Variants in ACSM3 observed in about 807,000 individuals in gnomAD.
The protein encoded by ACSM3 is acyl-coenzyme A synthetase ACSM3, mitochondrial.
Under a neutral mutation model 74.1 loss-of-function variants are expected in ACSM3, and 61 were observed. The ratio of observed to expected loss-of-function variants is 0.82; its 90% CI spans 0.67 to 1.02. ACSM3 has a LOEUF of 1.02. Ranked by LOEUF, ACSM3 falls within the 50% of genes least tolerant of loss-of-function variation. The probability of loss-of-function intolerance (pLI) is 0.00; values close to 1 mark genes in which losing one functional copy is unlikely to be tolerated. For missense variants in ACSM3, 660 were observed against 697.0 expected (o/e 0.95, Z 0.60); for synonymous variants, 213 against 241.5 (o/e 0.88, Z 1.09).
upstream of ACSM3, among the ~76,000 whole-genome samples, chr16:20,759,365 GGCT>G (rs1208432128): frequency 1.3e-5 from 2 of 152,030 alleles, no homozygotes; most frequent in African/African-American, 4.8e-5. Context: ...AGACCATCTT[GGCT>G]AACACACGGT....
At chr16:20,693,156 C>G (rs1339496027) in intron 1 of ACSM3, among the ~76,000 whole-genome samples, 1 of 138,840 alleles carries the variant, frequency 7.2e-6, no homozygotes, top group East Asian at 2.1e-4. Context: ...GGCAACAGAG[C>G]AAAATTCCGT....
intron 4 of ACSM3, 49 bp downstream of exon 4, chr16:20,777,629 C>A: frequency 6.7e-7 from 1 of 1,501,356 alleles, no homozygotes; most frequent in Non-Finnish European, 9.2e-7. Flanking sequence ...GGAAAGGCAA[C>A]AATAAAAAGA....
At chr16:20,685,398 G>T (rs2079529089) in intron 1 of ACSM3, 2 of 1,614,060 alleles carry the variant, frequency 1.2e-6, no homozygotes, top group South Asian at 1.1e-5. Context: ...GACCTCTCTT[G>T]CCCTCCTGGT....
chr16:20,746,643 C>T (rs1452174942), intron 1 of ACSM3, among the ~76,000 whole-genome samples: 1 of 152,192 alleles, frequency 6.6e-6, no homozygotes, highest in Non-Finnish European at 1.5e-5. Context: ...TTCATTACAC[C>T]CAGACGCTGT....
intron 1 of ACSM3, among the ~76,000 whole-genome samples, chr16:20,704,297 G>A (rs1049089213): frequency 7.9e-5 from 12 of 152,088 alleles, no homozygotes; most frequent in Non-Finnish European, 1.3e-4. Flanking sequence ...TTATTACTAC[G>A]TTTTTACTAA....
At chr16:20,736,136 C>T (rs2079866960) in intron 1 of ACSM3, 1 of 152,176 alleles carries the variant, frequency 6.6e-6, no homozygotes, top group Non-Finnish European at 1.5e-5. Flanking sequence ...CACAATGGGA[C>T]AGGAGAGCTT....
intron 1 of ACSM3, chr16:20,711,763 A>G: frequency 7.9e-6 from 3 of 377,938 alleles, no homozygotes; most frequent in Non-Finnish European, 1.5e-5. Flanking sequence ...GCCTCCAAGG[A>G]CTCAGGAACA....
At chr16:20,791,468 A>G (rs2080595419) in intron 10 of ACSM3, among the ~76,000 whole-genome samples, 1 of 152,258 alleles carries the variant, frequency 6.6e-6, no homozygotes, top group African/African-American at 2.4e-5. Flanking sequence ...TATCTAAGAA[A>G]AATCTCAAGA....
At chr16:20,710,607 T>G (rs1170873350) in intron 1 of ACSM3, among the ~76,000 whole-genome samples, 2 of 152,130 alleles carry the variant, frequency 1.3e-5, no homozygotes, top group Non-Finnish European at 2.9e-5. Context: ...GGCCTCCCTA[T>G]GCACTGGGAT....
At chr16:20,786,241 C>T (rs766699010) in intron 9 of ACSM3, 83 bp downstream of exon 9, 1 of 1,511,938 alleles carries the variant, frequency 6.6e-7, no homozygotes, top group South Asian at 1.3e-5. Flanking sequence ...TATAAACTTT[C>T]TTTGTTATGA....
intron 1 of ACSM3, among the ~76,000 whole-genome samples, chr16:20,696,151 G>A (rs74011825): frequency 6.6e-6 from 1 of 152,140 alleles, no homozygotes; most frequent in Non-Finnish European, 1.5e-5. Context: ...AGAAGACTAT[G>A]CTTTGTGGGT....
chr16:20,682,379 A>G (rs1256929295), intron 1 of ACSM3: 3 of 1,614,040 alleles, frequency 1.9e-6, no homozygotes, highest in Non-Finnish European at 2.5e-6. Context: ...ATCTATGGTC[A>G]CAATGCCCTT....
At chr16:20,729,165 AAT>A (rs1713005098) in intron 1 of ACSM3, 6 of 618,122 alleles carry the variant, frequency 9.7e-6, no homozygotes, top group Middle Eastern at 4.4e-4. Flanking sequence ...CTTGTCACTT[AAT>A]GAGTGTTATA....
rs776682176 is a variant in ACSM3 at position 20,780,710 on chromosome 16, G to A, written c.639-4G>A. 4 of 1,614,144 alleles carry A rather than the reference G, an allele frequency of 2.5e-6. No individual in the cohort carries two copies. In the East Asian group the frequency reaches 6.7e-5, roughly 27 times the overall value. ...ATGCAGTCATTGTAGTTTTTCCTTT[G>A]CAGACATGCCAGTGACAGCCACACC... On this transcript the variant is annotated splice_region_variant and splice_polypyrimidine_tract_variant and intron_variant, in intron 4 of 13. Coordinates refer to ENST00000289416, the MANE Select transcript of ACSM3 (RefSeq NM_005622.4).
intron 1 of ACSM3, chr16:20,736,878 T>C: frequency 6.2e-7 from 1 of 1,612,938 alleles, no homozygotes; most frequent in South Asian, 1.1e-5. Context: ...CCAAATGACT[T>C]CCTATGAGAA....
intron 1 of ACSM3, among the ~76,000 whole-genome samples, chr16:20,718,110 G>A (rs1227858496): frequency 1.3e-5 from 2 of 151,370 alleles, no homozygotes; most frequent in African/African-American, 4.9e-5. Context: ...AGGAAAAGGA[G>A]AAGAAGAAGA....
intron 1 of ACSM3, among the ~76,000 whole-genome samples, chr16:20,707,562 G>A (rs989466758): frequency 2.0e-5 from 3 of 152,136 alleles, no homozygotes; most frequent in Non-Finnish European, 2.9e-5. Flanking sequence ...GACCACCCTG[G>A]GCCCAGACAG....
intron 4 of ACSM3, among the ~76,000 whole-genome samples, chr16:20,779,236 A>G (rs982843182): frequency 3.3e-5 from 5 of 151,956 alleles, no homozygotes; most frequent in Admixed American, 6.5e-5. Context: ...CAGCTTGGGA[A>G]ACACAGTGAA....
chr16:20,754,968 T>C (rs2080017569), intron 2 of ACSM3, among the ~76,000 whole-genome samples: 1 of 152,018 alleles, frequency 6.6e-6, no homozygotes, highest in Non-Finnish European at 1.5e-5. Context: ...AGAGGAATTA[T>C]TGTGACGAAG....
Sources: allele counts gnomAD v4.1 joint callset (sites outside exome capture counted in the v4.1 genomes callset), GRCh38; gene constraint gnomAD v4.1.1; transcripts MANE v1.5; gene names NCBI Gene and HGNC (gene_info 2026-07-23, HGNC 2026-07-21).